The following DNM3 variants were observed in gnomAD, a reference collection of about 807,000 sequenced individuals.
DNM3 encodes the protein dynamin 3.
DNM3 carries 47 observed loss-of-function variants against 101.6 expected under a neutral mutation model. That is an observed-to-expected ratio of 0.46 (90% CI 0.37 to 0.59). DNM3 has a LOEUF of 0.59. Among genes scored for constraint, DNM3 ranks in the 20% least tolerant of loss-of-function variants. The pLI is 0.00. For missense variants in DNM3, 849 were observed against 1,085.7 expected (o/e 0.78, Z 3.06); for synonymous variants, 385 against 387.9 (o/e 0.99, Z 0.09).
chr1:172,322,973 T>C (rs947084505), intron 16 of DNM3, among the ~76,000 whole-genome samples: 6 of 152,210 alleles, frequency 3.9e-5, no homozygotes, highest in Admixed American at 3.3e-4. Context: ...CCTTTCACGC[T>C]AACAGTTCAC....
chr1:172,201,986 G>T (rs1331084217), intron 14 of DNM3, among the ~76,000 whole-genome samples: 17 of 152,150 alleles, frequency 1.1e-4, no homozygotes, highest in Admixed American at 1.1e-3. Flanking sequence ...CAAGAAGGAG[G>T]TTCCCCTGGC....
chr1:172,032,526 CTTTTTTTTTTTTT>C lies in DNM3; in HGVS notation c.688+43_688+55del, dbSNP rs750270768. The C allele has an allele frequency of 2.3e-3, 830 of 360,492 alleles. 5 individuals are homozygous for C. Among genetic ancestry groups the C allele is most frequent in the Middle Eastern group, 0.012 (12 of 962 alleles). The allele number at this position is 360,492 out of a possible 1,614,324, so 22.3% of individuals were successfully genotyped here. ...GTAATGTACTGTGGTCTATACAAGA[CTTTTTTTTTTTTT>C]TTTTTTTTTTTTTTTTGTTATATGG... On this transcript the variant is annotated intron_variant, in intron 5 of 20. Coordinates refer to ENST00000627582, the MANE Select transcript of DNM3 (RefSeq NM_015569.5).
chr1:171,957,055 G>T (rs941894446), intron 2 of DNM3, among the ~76,000 whole-genome samples: 2 of 152,166 alleles, frequency 1.3e-5, no homozygotes, highest in African/African-American at 2.4e-5. Context: ...TTGGGGGGCT[G>T]CTGTGAAGAC....
At chr1:172,350,806 T>A (rs1344208217) in intron 17 of DNM3, among the ~76,000 whole-genome samples, 1 of 152,172 alleles carries the variant, frequency 6.6e-6, no homozygotes, top group Non-Finnish European at 1.5e-5. Context: ...TGCTGAACAG[T>A]TCAGGATGCA....
intron 17 of DNM3, among the ~76,000 whole-genome samples, chr1:172,346,393 G>C (rs541747018): frequency 1.3e-5 from 2 of 152,292 alleles, no homozygotes; most frequent in African/African-American, 4.8e-5. Flanking sequence ...TAGACAGAGA[G>C]CAAATCGTGC....
intron 2 of DNM3, among the ~76,000 whole-genome samples, chr1:171,973,189 AG>A (rs1240253578): frequency 6.6e-6 from 1 of 152,222 alleles, no homozygotes; most frequent in Non-Finnish European, 1.5e-5. Context: ...TTAAAAGCTA[AG>A]AATTGGAATC....
intron 16 of DNM3, among the ~76,000 whole-genome samples, chr1:172,313,261 A>G (rs1338771172): frequency 6.6e-6 from 1 of 152,188 alleles, no homozygotes; most frequent in Non-Finnish European, 1.5e-5. Context: ...ATTTTCACTG[A>G]TGAGACTGAA....
At chr1:172,261,573 C>T (rs1347223833) in intron 15 of DNM3, among the ~76,000 whole-genome samples, 2 of 152,218 alleles carry the variant, frequency 1.3e-5, no homozygotes, top group African/African-American at 4.8e-5. Context: ...AGGTTGCTTT[C>T]TCAGATGCTG....
At chr1:172,224,046 G>A (rs1266115612) in intron 14 of DNM3, among the ~76,000 whole-genome samples, 1 of 152,170 alleles carries the variant, frequency 6.6e-6, no homozygotes, top group Non-Finnish European at 1.5e-5. Context: ...TCTTAGTTTA[G>A]TGTTCTCTTG....
intron 14 of DNM3, among the ~76,000 whole-genome samples, chr1:172,244,675 G>A (rs1373576713): frequency 2.0e-5 from 3 of 152,166 alleles, no homozygotes; most frequent in Non-Finnish European, 4.4e-5. Context: ...ACACCAGTTA[G>A]AATGGCAATC....
chr1:172,325,036 C>T (rs12088101), intron 17 of DNM3, among the ~76,000 whole-genome samples: 2,918 of 152,124 alleles, frequency 0.019, 107 homozygotes, highest in African/African-American at 0.067. Flanking sequence ...ATTCACTCCC[C>T]ACACACACAC....
chr1:171,889,451 A>C (rs142214802), intron 1 of DNM3, among the ~76,000 whole-genome samples: 2 of 152,258 alleles, frequency 1.3e-5, no homozygotes, highest in Non-Finnish European at 2.9e-5. Context: ...GGAAAAATAC[A>C]TAAGTGGCTT....
At chr1:172,036,056 C>A (rs2048934793) in intron 6 of DNM3, among the ~76,000 whole-genome samples, 1 of 149,110 alleles carries the variant, frequency 6.7e-6, no homozygotes, top group Non-Finnish European at 1.5e-5. Flanking sequence ...GCACAATCTG[C>A]AGGTTAGTTA....
At chr1:171,875,801 A>G (rs1416356679) in intron 1 of DNM3, among the ~76,000 whole-genome samples, 1 of 128,736 alleles carries the variant, frequency 7.8e-6, no homozygotes, top group Non-Finnish European at 1.6e-5. Context: ...GTCTAAAAAA[A>G]GAGTTGTCTC....
chr1:172,133,716 A>G (rs574526121), intron 14 of DNM3, among the ~76,000 whole-genome samples: 5 of 152,156 alleles, frequency 3.3e-5, no homozygotes, highest in Non-Finnish European at 5.9e-5. Flanking sequence ...GGAAGGAAGT[A>G]CCACTTGAGC....
At chr1:172,027,550 C>T (rs2048295148) in intron 4 of DNM3, among the ~76,000 whole-genome samples, 1 of 151,630 alleles carries the variant, frequency 6.6e-6, no homozygotes, top group Non-Finnish European at 1.5e-5. Context: ...CACTGCACTA[C>T]AGCCTGGGTG....
intron 1 of DNM3, among the ~76,000 whole-genome samples, chr1:171,920,417 C>T (rs2040064759): frequency 6.6e-6 from 1 of 152,172 alleles, no homozygotes; most frequent in Non-Finnish European, 1.5e-5. Context: ...CCTTGGTGAG[C>T]ATCAGAAACA....
intron 2 of DNM3, among the ~76,000 whole-genome samples, chr1:171,978,641 T>A (rs957619875): frequency 1.3e-5 from 2 of 152,168 alleles, no homozygotes; most frequent in Non-Finnish European, 2.9e-5. Flanking sequence ...AGAAGCATGA[T>A]GTGATGTATG....
chr1:172,323,270 T>C (rs1030904106), intron 16 of DNM3, 59 bp from the exon 17 acceptor site: 1 of 1,510,400 alleles, frequency 6.6e-7, no homozygotes. Context: ...CCTCATAATT[T>C]TAAAATAAAT....
Sources: gnomAD v4.1 joint callset for allele counts (sites outside exome capture counted in the v4.1 genomes callset) on GRCh38, gnomAD v4.1.1 for gene constraint, MANE v1.5 for transcripts, NCBI Gene and HGNC (gene_info 2026-07-23, HGNC 2026-07-21) for gene names.